Variants in NR3C2 observed in about 807,000 individuals in gnomAD.
NR3C2 encodes the protein mineralocorticoid receptor.
Under a neutral mutation model 86.4 loss-of-function variants are expected in NR3C2, and 15 were observed. The observed-to-expected ratio is 0.17, with a 90% CI of 0.12 to 0.27. The LOEUF is 0.27. Among genes scored for constraint, NR3C2 ranks in the 10% least tolerant of loss-of-function variants. The probability of loss-of-function intolerance (pLI) is 1.00; values close to 1 mark genes in which losing one functional copy is unlikely to be tolerated. For missense variants in NR3C2, 960 were observed against 1,195.6 expected, an observed-to-expected ratio of 0.80 and a Z score of 2.91; for synonymous variants, 458 against 450.5, an observed-to-expected ratio of 1.02 and a Z score of -0.21.
At chr4:148,306,743 G>A (rs535888091) in intron 2 of NR3C2, among the ~76,000 whole-genome samples, 8 of 152,278 alleles carry the variant, frequency 5.3e-5, no homozygotes, top group African/African-American at 1.9e-4. Context: ...CTAACAGATG[G>A]TTTCCAAACA....
chr4:148,276,337 T>C (rs1293652369), intron 2 of NR3C2, among the ~76,000 whole-genome samples: 1 of 152,192 alleles, frequency 6.6e-6, no homozygotes, highest in Non-Finnish European at 1.5e-5. Context: ...TTTTTCAATG[T>C]TATTTATATA....
In NR3C2 at chr4:148,435,589, T is replaced by C. The variant is rs368453653; in HGVS notation, c.1272A>G (p.Ser424=). 47 of 1,614,158 alleles carry C rather than the reference T, an allele frequency of 2.9e-5. No homozygotes were observed. The highest frequency in any genetic ancestry group is 1.9e-4 in the African/African-American group (14 of 75,060). The part of the protein sequence containing the change: ...NSKINSDSSF[S]VPIKQESTKH... Reference sequence around the variant, plus strand: ...TGGTTGATTCTTGCTTTATTGGTACTGAGAATGAAGAATCCGAATTTATTT... The same window carrying C: ...TGGTTGATTCTTGCTTTATTGGTACCGAGAATGAAGAATCCGAATTTATTT... Residue 424 remains serine (S), a synonymous_variant, in exon 2 of 9, where the codon TCA becomes TCG. Coordinates refer to ENST00000358102, the MANE Select transcript of NR3C2 (RefSeq NM_000901.5).
At chr4:148,387,546 A>ATTG (rs1246381211) in intron 2 of NR3C2, among the ~76,000 whole-genome samples, 1 of 152,228 alleles carries the variant, frequency 6.6e-6, no homozygotes, top group Non-Finnish European at 1.5e-5. Flanking sequence ...TATGCTTCAA[A>ATTG]TTGTTTTGGT....
intron 2 of NR3C2, among the ~76,000 whole-genome samples, chr4:148,398,097 C>T (rs1747952863): frequency 6.6e-6 from 1 of 152,110 alleles, no homozygotes; most frequent in Non-Finnish European, 1.5e-5. Flanking sequence ...TTTCCTTTCT[C>T]TTATAAAGAC....
rs61760016 is a variant in NR3C2, at chr4:148,437,179, G to A, written c.-2-317C>T. ...AATGTTAACTTATTAGATATTCAAA[G>A]TAATCCTGGGAATTATTAAGGCAGG... On this transcript the variant is annotated intron_variant, in intron 1 of 8. Transcript: ENST00000358102. Among the ~76,000 whole-genome samples the A allele has an allele frequency of 1.8e-3, 270 of 152,304 alleles. 1 individual carries two copies. Among genetic ancestry groups the A allele is most frequent in the Middle Eastern group, 6.8e-3 (2 of 294 alleles).
At chr4:148,143,880 G>A (rs1733737506) in intron 6 of NR3C2, among the ~76,000 whole-genome samples, 1 of 144,930 alleles carries the variant, frequency 6.9e-6, no homozygotes. Flanking sequence ...CCGGGAGGCG[G>A]AGTTTGCGGT....
chr4:148,250,766 C>A (rs1739534649), intron 3 of NR3C2, among the ~76,000 whole-genome samples: 1 of 152,158 alleles, frequency 6.6e-6, no homozygotes, highest in Admixed American at 6.5e-5. Flanking sequence ...TAGTTCTAAA[C>A]CCCACTCATC....
At chr4:148,321,883 A>T (rs1273095322) in intron 2 of NR3C2, among the ~76,000 whole-genome samples, 6 of 152,106 alleles carry the variant, frequency 3.9e-5, no homozygotes, top group Non-Finnish European at 4.4e-5. Context: ...TTTACATTTA[A>T]AGTTAATATT....
chr4:148,385,337 G>A (rs1037541852), intron 2 of NR3C2, among the ~76,000 whole-genome samples: 1 of 152,044 alleles, frequency 6.6e-6, no homozygotes, highest in African/African-American at 2.4e-5. Context: ...GGTCAACCCT[G>A]GCAACAATTA....
At chr4:148,196,674 A>C (rs922475611) in intron 3 of NR3C2, among the ~76,000 whole-genome samples, 1 of 152,250 alleles carries the variant, frequency 6.6e-6, no homozygotes, top group African/African-American at 2.4e-5. Flanking sequence ...AATCTAAAGT[A>C]TATTCTCTAA....
chr4:148,129,398 C>G (rs973548468), intron 6 of NR3C2, among the ~76,000 whole-genome samples: 1 of 152,112 alleles, frequency 6.6e-6, no homozygotes, highest in African/African-American at 2.4e-5. Context: ...TCAGTGAGTA[C>G]AGTTTTAGTT....
chr4:148,161,021 A>T (rs1320501117), intron 4 of NR3C2, among the ~76,000 whole-genome samples: 1 of 152,212 alleles, frequency 6.6e-6, no homozygotes, highest in East Asian at 1.9e-4. Context: ...TTAAGAACTA[A>T]TTTGCACTAA....
chr4:148,285,282 A>G (rs1741460188), intron 2 of NR3C2, among the ~76,000 whole-genome samples: 1 of 152,234 alleles, frequency 6.6e-6, no homozygotes, highest in African/African-American at 2.4e-5. Context: ...TTCTATTGTG[A>G]AAGACAGGAA....
intron 2 of NR3C2, among the ~76,000 whole-genome samples, chr4:148,417,510 A>G (rs1560721812): frequency 6.6e-6 from 1 of 152,210 alleles, no homozygotes; most frequent in Non-Finnish European, 1.5e-5. Context: ...AGATGGTTTT[A>G]TATAATATGT....
chr4:148,429,214 A>T (rs1437547433), intron 2 of NR3C2, among the ~76,000 whole-genome samples: 2 of 152,204 alleles, frequency 1.3e-5, no homozygotes, highest in African/African-American at 4.8e-5. Context: ...CAGAATATCT[A>T]AAGTCAATTT....
At chr4:148,139,262 T>C (rs891702933) in intron 6 of NR3C2, among the ~76,000 whole-genome samples, 17 of 152,200 alleles carry the variant, frequency 1.1e-4, no homozygotes, top group African/African-American at 4.1e-4. Flanking sequence ...ACTCTGAGCA[T>C]TGGATAGACA....
upstream of NR3C2, among the ~76,000 whole-genome samples, chr4:148,443,710 G>A (rs1290733243): frequency 6.6e-6 from 1 of 152,182 alleles, no homozygotes; most frequent in Non-Finnish European, 1.5e-5. Context: ...CCGGCCCTCG[G>A]CGACCCGCAG....
At chr4:148,157,235 T>G (rs572882584) in intron 4 of NR3C2, among the ~76,000 whole-genome samples, 3 of 151,258 alleles carry the variant, frequency 2.0e-5, no homozygotes, top group South Asian at 2.1e-4. Flanking sequence ...CAGCACACCA[T>G]CATGGCACAT....
Position 148,436,862 on chromosome 4 carries a change from G to A in NR3C2, c.-2C>T, listed in dbSNP as rs2070951. The A allele has an allele frequency of 8.7e-6, 14 of 1,602,078 alleles. No individual in the cohort carries two copies. The highest frequency in any genetic ancestry group is 2.7e-5 in the African/African-American group (2 of 74,698). On this transcript the variant is annotated splice_region_variant and 5_prime_UTR_variant, in exon 2 of 9. Transcript: ENST00000358102. ...ACTGTGGTAGCCTTTGGTCTCCATC[G>A]CTAACAAATAAATTTACATTAAAAA...
Sources: gnomAD v4.1 joint callset for allele counts (sites outside exome capture counted in the v4.1 genomes callset) on GRCh38, gnomAD v4.1.1 for gene constraint, MANE v1.5 for transcripts, NCBI Gene and HGNC (gene_info 2026-07-23, HGNC 2026-07-21) for gene names.